SLC25A40: variants seen among roughly 807,000 people sequenced by gnomAD.
The protein encoded by SLC25A40 is solute carrier family 25 member 40.
A neutral mutation model predicts 46.5 loss-of-function variants in SLC25A40; 41 were observed. The observed-to-expected ratio is 0.88, with a 90% CI of 0.69 to 1.14. The LOEUF is 1.14. SLC25A40 is among the 50% of genes most tolerant of loss of function. SLC25A40 has a pLI of 0.00. For missense variants in SLC25A40, 386 were observed against 393.6 expected (o/e 0.98, Z 0.16); for synonymous variants, 126 against 127.5 (o/e 0.99, Z 0.08).
chr7:87,847,486 C>T (rs1367330366), intron 7 of SLC25A40, among the ~76,000 whole-genome samples: 1 of 152,092 alleles, frequency 6.6e-6, no homozygotes, highest in African/African-American at 2.4e-5. Context: ...ATAGAGTCAA[C>T]GTTCCTTATG....
intron 1 of SLC25A40, among the ~76,000 whole-genome samples, chr7:87,875,796 T>C (rs574074712): frequency 4.1e-4 from 63 of 152,320 alleles, no homozygotes; most frequent in African/African-American, 1.3e-3. Flanking sequence ...CGTTCTGCGG[T>C]GGCGCTGCCG....
intron 10 of SLC25A40, among the ~76,000 whole-genome samples, chr7:87,839,316 T>A (rs1331651333): frequency 6.6e-6 from 1 of 151,360 alleles, no homozygotes; most frequent in Non-Finnish European, 1.5e-5. Flanking sequence ...ATAGAAATAT[T>A]GAAATACGGA....
At position 87,846,936 on chromosome 7, in the gene SLC25A40, A is replaced by G. The variant is rs748305485; in HGVS notation, c.631+13T>C. On this transcript the variant is annotated intron_variant, in intron 8 of 11. Transcript: ENST00000341119. Reference sequence around the variant, plus strand: ...ATGTAAAATTTAGTAGCTACAAATAAGATAAATCCTACCTGAGAAAGGTAC... The same window carrying G: ...ATGTAAAATTTAGTAGCTACAAATAGGATAAATCCTACCTGAGAAAGGTAC... The G allele has an allele frequency of 6.3e-7, 1 of 1,581,190 alleles. No individual in the cohort carries two copies. Among genetic ancestry groups the G allele is most frequent in the East Asian group, 2.2e-5 (1 of 44,574 alleles).
intron 1 of SLC25A40, among the ~76,000 whole-genome samples, chr7:87,863,216 G>A (rs1024054099): frequency 3.3e-5 from 5 of 151,832 alleles, no homozygotes; most frequent in Admixed American, 6.6e-5. Flanking sequence ...GATATGGTTC[G>A]GTTGTCTCCC....
At chr7:87,856,407 G>A in intron 3 of SLC25A40, 56 bp from the exon 4 acceptor site, 1 of 1,252,116 alleles carries the variant, frequency 8.0e-7, no homozygotes, top group African/African-American at 1.5e-5. Flanking sequence ...TTGGATAGAT[G>A]TTTTACACAG....
intron 6 of SLC25A40, among the ~76,000 whole-genome samples, chr7:87,849,161 G>A (rs1838468234): frequency 6.6e-6 from 1 of 151,978 alleles, no homozygotes; most frequent in African/African-American, 2.4e-5. Flanking sequence ...AAACACCAAA[G>A]TCTTTATTTC....
intron 3 of SLC25A40, among the ~76,000 whole-genome samples, chr7:87,857,273 C>T (rs754074747): frequency 2.0e-5 from 3 of 152,152 alleles, no homozygotes; most frequent in Non-Finnish European, 2.9e-5. Context: ...CATCTTCTTG[C>T]TTTCTATTAT....
At chr7:87,837,885 T>C (rs566074576) in intron 10 of SLC25A40, among the ~76,000 whole-genome samples, 3 of 151,460 alleles carry the variant, frequency 2.0e-5, no homozygotes, top group South Asian at 4.2e-4. Flanking sequence ...AATGTTTACA[T>C]AGAAGACAAC....
chr7:87,870,995 T>C (rs2131025069), intron 1 of SLC25A40, among the ~76,000 whole-genome samples: 1 of 152,264 alleles, frequency 6.6e-6, no homozygotes. Flanking sequence ...CACTGTATCA[T>C]TTCCTCTGGG....
At chr7:87,839,268 G>A (rs10244734) in intron 10 of SLC25A40, among the ~76,000 whole-genome samples, 14,051 of 151,184 alleles carry the variant, frequency 0.093, 754 homozygotes, top group African/African-American at 0.15. Flanking sequence ...TAACCATTTT[G>A]TGATACTTTT....
rs1026741150 is a variant in SLC25A40, at chr7:87,846,141, G to A, written c.631+808C>T. Among the ~76,000 whole-genome samples, 4 of 152,034 alleles carry A rather than the reference G, an allele frequency of 2.6e-5. No individual in the cohort carries two copies. The South Asian group carries it at 8.3e-4, about 32-fold the overall frequency. The stretch of plus-strand genomic sequence containing the variant: ...TCTTAGGAAAATTTTTTAGTAAAAG[G>A]GGATTTTCAAAAATAGGTTAAACTA... On this transcript the variant is annotated intron_variant, in intron 8 of 11. Coordinates refer to ENST00000341119, the MANE Select transcript of SLC25A40 (RefSeq NM_018843.4).
intron 5 of SLC25A40, among the ~76,000 whole-genome samples, 194 bp downstream of exon 5, chr7:87,854,010 T>G (rs1295268245): frequency 6.6e-6 from 1 of 152,186 alleles, no homozygotes; most frequent in African/African-American, 2.4e-5. Flanking sequence ...ATGTTTAGTT[T>G]TTTAAAAAGT....
chr7:87,868,384 G>C (rs948914577), intron 1 of SLC25A40, among the ~76,000 whole-genome samples: 5 of 152,066 alleles, frequency 3.3e-5, no homozygotes, highest in African/African-American at 1.2e-4. Flanking sequence ...ATATGCAGTG[G>C]ACCCTGCCAC....
intron 1 of SLC25A40, among the ~76,000 whole-genome samples, chr7:87,868,350 G>C (rs950148959): frequency 1.3e-5 from 2 of 152,304 alleles, no homozygotes; most frequent in Non-Finnish European, 2.9e-5. Flanking sequence ...CCAAATGTTT[G>C]GGGGTGAGGA....
chr7:87,851,391 C>T (rs1274756886), intron 5 of SLC25A40, among the ~76,000 whole-genome samples: 1 of 152,196 alleles, frequency 6.6e-6, no homozygotes, highest in Non-Finnish European at 1.5e-5. Flanking sequence ...AATAACCACT[C>T]TGCTCTAGCC....
At chr7:87,871,490 G>C (rs1341510957) in intron 1 of SLC25A40, among the ~76,000 whole-genome samples, 1 of 152,160 alleles carries the variant, frequency 6.6e-6, no homozygotes, top group Non-Finnish European at 1.5e-5. Flanking sequence ...CCAGATTCCT[G>C]ACACACAAAA....
At chr7:87,860,697 A>G (rs1838682712) in intron 1 of SLC25A40, 57 bp from the exon 2 acceptor site, 1 of 152,234 alleles carries the variant, frequency 6.6e-6, no homozygotes, top group Non-Finnish European at 1.5e-5. Flanking sequence ...AGGATAATAA[A>G]TCTAAAAGAA....
At chr7:87,840,663 T>C (rs1838318530) in intron 10 of SLC25A40, among the ~76,000 whole-genome samples, 2 of 151,708 alleles carry the variant, frequency 1.3e-5, no homozygotes, top group South Asian at 2.1e-4. Context: ...AGATAGGGCT[T>C]AGGTTTCTAG....
In SLC25A40 at chr7:87,836,797, C is replaced by A; in HGVS notation, c.837G>T (p.Leu279Phe). 1 of 1,510,912 alleles carries A rather than the reference C, an allele frequency of 6.6e-7. No individual in the cohort carries two copies. The highest frequency in any genetic ancestry group is 1.3e-5 in the South Asian group (1 of 76,520). 93.6% of individuals were successfully genotyped at this position (1,510,912 alleles called of 1,614,324 possible). A position where few individuals can be genotyped will look rare whatever the true frequency, so the allele number is the denominator to read the frequency against. Residue 279 changes from leucine to phenylalanine, a missense_variant, in exon 11 of 12, where the codon TTG becomes TTT. Physicochemically the swap from Leu to Phe is conservative, Grantham distance 22 (BLOSUM62 0). Transcript: ENST00000341119. ...TCATTATAATCCAGGTTGACATATGCAAAGGCATAGAAACTAAATGTTAAA... is the reference window on the plus strand; with the variant it reads ...TCATTATAATCCAGGTTGACATATGAAAAGGCATAGAAACTAAATGTTAAA... ...TYESHKISMP[L>F]HMSTWIIMKN...
Sources: gnomAD v4.1 joint callset for allele counts (sites outside exome capture counted in the v4.1 genomes callset) on GRCh38, gnomAD v4.1.1 for gene constraint, MANE v1.5 for transcripts, NCBI Gene and HGNC (gene_info 2026-07-23, HGNC 2026-07-21) for gene names.